The following ABI3BP variants were observed in gnomAD, a reference collection of about 807,000 sequenced individuals.
The protein encoded by ABI3BP is target of Nesh-SH3.
A neutral mutation model predicts 268.6 loss-of-function variants in ABI3BP; 216 were observed. That is an observed-to-expected ratio of 0.80 (90% CI 0.72 to 0.90). The LOEUF (loss-of-function observed/expected upper bound fraction) is 0.90, where lower values mean the gene tolerates loss of function less well. ABI3BP is among the 40% of genes least tolerant of loss of function. ABI3BP has a pLI of 0.00. For missense variants in ABI3BP, 2,090 were observed against 2,182.4 expected (o/e 0.96, Z 0.84); for synonymous variants, 730 against 730.0 (o/e 1.00, Z 0.00).
intron 55 of ABI3BP, among the ~76,000 whole-genome samples, chr3:100,792,394 C>T (rs145077454): frequency 1.0e-3 from 151 of 151,520 alleles, no homozygotes; most frequent in African/African-American, 3.2e-3. Flanking sequence ...ATATGGAAAA[C>T]GAGGCAAATG....
chr3:100,749,845 G>A lies in ABI3BP; in HGVS notation c.*650C>T, dbSNP rs145355885. On this transcript the variant is annotated 3_prime_UTR_variant, in exon 68 of 68. Coordinates refer to ENST00000471714, the MANE Select transcript of ABI3BP (RefSeq NM_001375547.2). The stretch of plus-strand genomic sequence containing the variant: ...AACAATATATTAGACTCCATTTTTA[G>A]CTGAAATGAAATTTACTGATTCAAT... The A allele has an allele frequency of 4.0e-5, 16 of 396,572 alleles. No individual in the cohort carries two copies. Among genetic ancestry groups the A allele is most frequent in the Middle Eastern group, 1.3e-3 (2 of 1,574 alleles). The allele number at this position is 396,572 out of a possible 1,614,324, so 24.6% of individuals were successfully genotyped here. A position where few individuals can be genotyped will look rare whatever the true frequency, so the allele number is the denominator to read the frequency against.
Position 100,792,678 on chromosome 3 carries a change from G to A in ABI3BP, c.4024+13C>T. On this transcript the variant is annotated intron_variant, in intron 55 of 67. Transcript: ENST00000471714. ...AGGAAAAGTTATTCTCCAGAGGTAG[G>A]GGAGAGGATTACCCTGAGTTGTCTT... 6.2e-7 allele frequency: 1 copy of A among 1,608,334 alleles called. No individual in the cohort carries two copies.
intron 1 of ABI3BP, among the ~76,000 whole-genome samples, chr3:100,958,547 G>A (rs1481925562): frequency 1.3e-5 from 2 of 152,190 alleles, no homozygotes; most frequent in African/African-American, 2.4e-5. Context: ...TAAAACTTTT[G>A]TAAAACATTG....
At chr3:100,917,087 T>C (rs1166723753) in intron 2 of ABI3BP, among the ~76,000 whole-genome samples, 1 of 152,196 alleles carries the variant, frequency 6.6e-6, no homozygotes, top group East Asian at 1.9e-4. Context: ...ATTTTTACTA[T>C]AGGCAACTAG....
intron 42 of ABI3BP, among the ~76,000 whole-genome samples, chr3:100,817,192 C>G (rs1488737551): frequency 6.6e-6 from 1 of 152,128 alleles, no homozygotes; most frequent in Non-Finnish European, 1.5e-5. Flanking sequence ...GTACATGACA[C>G]AAATTCAAAT....
At chr3:100,964,878 C>T (rs1485168001) in intron 1 of ABI3BP, among the ~76,000 whole-genome samples, 2 of 152,242 alleles carry the variant, frequency 1.3e-5, no homozygotes, top group African/African-American at 4.8e-5. Context: ...GTTGTACCAG[C>T]CTCTCTTCTT....
intron 57 of ABI3BP, among the ~76,000 whole-genome samples, chr3:100,783,630 T>C (rs930552465): frequency 6.6e-6 from 1 of 152,188 alleles, no homozygotes; most frequent in Non-Finnish European, 1.5e-5. Flanking sequence ...AAAACATTTA[T>C]CCTTTACAGA....
At position 100,750,463 on chromosome 3, in the gene ABI3BP, A is replaced by G. The variant is rs11919320; in HGVS notation, c.*32T>C. 5.4e-3 allele frequency: 8,265 copies of G among 1,522,180 alleles called. 28 individuals are homozygous for G. Among genetic ancestry groups the G allele is most frequent in the Non-Finnish European group, 5.5e-3 (6,070 of 1,101,002 alleles). The allele number at this position is 1,522,180 out of a possible 1,614,324, so 94.3% of individuals were successfully genotyped here. ...GTATTTTCAATGATTTTTGTTTGCA[A>G]TGATGAAACAGAAGGTAACTTTGTG... On this transcript the variant is annotated 3_prime_UTR_variant, in exon 68 of 68. Coordinates refer to ENST00000471714, the MANE Select transcript of ABI3BP (RefSeq NM_001375547.2).
Position 100,926,505 on chromosome 3 carries a change from G to A in ABI3BP, c.80-24C>T, listed in dbSNP as rs143630106. 31 of 1,602,336 alleles carry A rather than the reference G, an allele frequency of 1.9e-5. No individual in the cohort carries two copies. In the African/African-American group the frequency reaches 2.1e-4, roughly 11 times the overall value. On this transcript the variant is annotated intron_variant, in intron 1 of 67. Coordinates refer to ENST00000471714, the MANE Select transcript of ABI3BP (RefSeq NM_001375547.2). ...ACCTAACAATGGGAATGAAAACATC[G>A]ATGGCTGTTACTTCCCCTTTTTAGC...
At position 100,897,111 on chromosome 3, in the gene ABI3BP, A is replaced by G. The variant is rs954403028; in HGVS notation, c.461+1651T>C. Among the ~76,000 whole-genome samples the G allele has an allele frequency of 5.3e-5, 8 of 152,124 alleles. No individual in the cohort carries two copies. In the East Asian group the frequency reaches 1.5e-3, roughly 29 times the overall value. ...AAAAGCACATTAAGAAGTATGCAATAGCCTTAGTGTAAGGGAAATACATAT... is the reference window on the plus strand; with the variant it reads ...AAAAGCACATTAAGAAGTATGCAATGGCCTTAGTGTAAGGGAAATACATAT... On this transcript the variant is annotated intron_variant, in intron 4 of 67. Coordinates refer to ENST00000471714, the MANE Select transcript of ABI3BP (RefSeq NM_001375547.2).
At chr3:100,820,863 T>C (rs192389298) in intron 39 of ABI3BP, among the ~76,000 whole-genome samples, 191 bp downstream of exon 39, 3 of 152,330 alleles carry the variant, frequency 2.0e-5, no homozygotes, top group African/African-American at 7.2e-5. Context: ...GGTTCATGCA[T>C]GGCTCTTTTA....
chr3:100,777,316 G>A (rs2096733136), intron 59 of ABI3BP, among the ~76,000 whole-genome samples: 1 of 152,222 alleles, frequency 6.6e-6, no homozygotes, highest in Non-Finnish European at 1.5e-5. Context: ...GGAACATGCT[G>A]AAATTTGCTG....
intron 58 of ABI3BP, among the ~76,000 whole-genome samples, chr3:100,778,827 A>G (rs1357982791): frequency 6.6e-6 from 1 of 152,248 alleles, no homozygotes; most frequent in Non-Finnish European, 1.5e-5. Flanking sequence ...TGCAAACACT[A>G]TATGATTTTA....
At chr3:100,785,597 C>T (rs553291967) in intron 57 of ABI3BP, among the ~76,000 whole-genome samples, 3 of 152,300 alleles carry the variant, frequency 2.0e-5, no homozygotes, top group Admixed American at 2.0e-4. Flanking sequence ...ATTGGCTAAA[C>T]ATTCACTACT....
At chr3:100,759,954 T>G (rs1298706636) in intron 63 of ABI3BP, among the ~76,000 whole-genome samples, 1 of 152,212 alleles carries the variant, frequency 6.6e-6, no homozygotes, top group African/African-American at 2.4e-5. Context: ...AGAAACACTA[T>G]GAAAAGGGTA....
chr3:100,785,500 G>A (rs1030886193), intron 57 of ABI3BP, among the ~76,000 whole-genome samples: 1 of 152,104 alleles, frequency 6.6e-6, no homozygotes, highest in Non-Finnish European at 1.5e-5. Flanking sequence ...GAGAGCTGTT[G>A]TTTTCCATAA....
chr3:100,923,185 G>A (rs1482472454), intron 2 of ABI3BP, among the ~76,000 whole-genome samples: 1 of 152,098 alleles, frequency 6.6e-6, no homozygotes, highest in Non-Finnish European at 1.5e-5. Flanking sequence ...TTATCCCTAG[G>A]TTCTTTGAGA....
chr3:100,951,704 C>T (rs2075118078), intron 1 of ABI3BP, among the ~76,000 whole-genome samples: 1 of 152,062 alleles, frequency 6.6e-6, no homozygotes, highest in South Asian at 2.1e-4. Flanking sequence ...CCGCATAAAA[C>T]ATGGAGAAGT....
chr3:100,783,817 G>A (rs966350327), intron 57 of ABI3BP, among the ~76,000 whole-genome samples: 5 of 152,186 alleles, frequency 3.3e-5, no homozygotes, highest in Non-Finnish European at 4.4e-5. Context: ...TTTATTTACA[G>A]AAACAGGCAG....
Sources: allele counts gnomAD v4.1 joint callset (sites outside exome capture counted in the v4.1 genomes callset), GRCh38; gene constraint gnomAD v4.1.1; transcripts MANE v1.5; gene names NCBI Gene and HGNC (gene_info 2026-07-23, HGNC 2026-07-21).